Variants in IDO2 observed in about 807,000 individuals in gnomAD.
The protein encoded by IDO2 is indoleamine 2,3-dioxygenase 2.
Under a neutral mutation model 45.1 loss-of-function variants are expected in IDO2, and 46 were observed. That is an observed-to-expected ratio of 1.02 (90% CI 0.80 to 1.30). The LOEUF (loss-of-function observed/expected upper bound fraction) is 1.30, where lower values mean the gene tolerates loss of function less well. Among genes scored for constraint, IDO2 ranks in the 50% most tolerant of loss-of-function variants. The probability of loss-of-function intolerance (pLI) is 0.00; values close to 1 mark genes in which losing one functional copy is unlikely to be tolerated. For synonymous variants in IDO2, 218 were observed against 184.9 expected (o/e 1.18, Z -1.45); for missense variants, 544 against 491.8 (o/e 1.11, Z -1.00).
intron 8 of IDO2, 121 bp from the exon 9 acceptor site, chr8:40,005,205 AT>A (rs1417314941): frequency 1.5e-5 from 8 of 529,782 alleles, no homozygotes; most frequent in Admixed American, 3.4e-5. Context: ...TGCAGCTTTC[AT>A]TCCAGGTCTC....
chr8:39,942,515 T>C (rs924446273), intron 1 of IDO2, among the ~76,000 whole-genome samples: 19 of 152,080 alleles, frequency 1.2e-4, no homozygotes, highest in Admixed American at 1.2e-3. Context: ...TGGCGGGCAC[T>C]TATAGTACCA....
chr8:39,976,582 A>G (rs1808262434), intron 3 of IDO2, among the ~76,000 whole-genome samples: 1 of 152,244 alleles, frequency 6.6e-6, no homozygotes, highest in African/African-American at 2.4e-5. Flanking sequence ...TATAAGATGC[A>G]TTTCAAAGTG....
chr8:39,950,171 G>GTTA (rs1228582360), intron 2 of IDO2, among the ~76,000 whole-genome samples: 1 of 152,062 alleles, frequency 6.6e-6, no homozygotes, highest in Non-Finnish European at 1.5e-5. Context: ...TTGACTTTTA[G>GTTA]TTATTATTAT....
intron 1 of IDO2, among the ~76,000 whole-genome samples, chr8:39,944,874 G>T (rs1807707621): frequency 6.6e-6 from 1 of 152,140 alleles, no homozygotes; most frequent in South Asian, 2.1e-4. Flanking sequence ...TTCTTAATTT[G>T]TCTGAAAGTG....
intron 8 of IDO2, among the ~76,000 whole-genome samples, chr8:40,003,074 A>G (rs1299070433): frequency 6.6e-6 from 1 of 152,190 alleles, no homozygotes; most frequent in Non-Finnish European, 1.5e-5. Flanking sequence ...TCTTTTAGGT[A>G]TTCATATTGA....
At chr8:39,966,535 T>C (rs571972064) in intron 3 of IDO2, among the ~76,000 whole-genome samples, 58 of 152,336 alleles carry the variant, frequency 3.8e-4, no homozygotes, top group South Asian at 1.7e-3. Context: ...AAAACATGTG[T>C]TCTCTGGATC....
intron 8 of IDO2, among the ~76,000 whole-genome samples, chr8:40,004,565 AGAC>A (rs368361486): frequency 5.3e-4 from 61 of 115,364 alleles, no homozygotes; most frequent in African/African-American, 1.8e-3. Context: ...ATAGATAGAT[AGAC>A]GATAGATAGA....
intron 1 of IDO2, among the ~76,000 whole-genome samples, chr8:39,944,276 T>TAAA (rs3078477): frequency 0.79 from 120,143 of 151,824 alleles, 48,653 homozygotes; most frequent in East Asian, 0.88. Context: ...AAGGATCCAC[T>TAAA]TTGGGATTAC....
intron 6 of IDO2, among the ~76,000 whole-genome samples, chr8:39,986,671 GAGATAGATAGATAGAT>G (rs56228406): frequency 1.3e-4 from 18 of 143,578 alleles, no homozygotes; most frequent in African/African-American, 3.9e-4. Context: ...GTACAGCATT[GAGATAGATAGATAGAT>G]AGATAGATAG....
intron 1 of IDO2, among the ~76,000 whole-genome samples, chr8:39,946,478 G>A (rs998007441): frequency 7.2e-5 from 11 of 152,240 alleles, no homozygotes; most frequent in South Asian, 2.1e-4. Context: ...ATGGTGGCAC[G>A]CACCTGTAGT....
At chr8:39,963,821 A>G (rs1808037326) in intron 3 of IDO2, 118 bp downstream of exon 3, 1 of 600,804 alleles carries the variant, frequency 1.7e-6, no homozygotes, top group South Asian at 2.3e-5. Context: ...CATTGAACTT[A>G]TCAGCAAAGC....
At chr8:39,947,985 C>T (rs1807764030) in intron 1 of IDO2, among the ~76,000 whole-genome samples, 1 of 152,124 alleles carries the variant, frequency 6.6e-6, no homozygotes, top group Non-Finnish European at 1.5e-5. Context: ...TGGGGTTTCT[C>T]CATGATGAGG....
At chr8:39,948,214 G>A (rs995947311) in intron 1 of IDO2, among the ~76,000 whole-genome samples, 6 of 152,156 alleles carry the variant, frequency 3.9e-5, no homozygotes, top group Non-Finnish European at 5.9e-5. Context: ...TAACGTGATC[G>A]AATATTTCAA....
chr8:39,939,636 A>G lies in IDO2; in HGVS notation c.-18+4418A>G, dbSNP rs17355695. ...TGCAGTCTTTACGTATTTATTTGTTATTAAGTACAGTAAAATAAAGAAGGA... is the reference window on the plus strand; with the variant it reads ...TGCAGTCTTTACGTATTTATTTGTTGTTAAGTACAGTAAAATAAAGAAGGA... On this transcript the variant is annotated intron_variant, in intron 1 of 10. Coordinates refer to ENST00000502986, the Ensembl canonical transcript of IDO2. Among the ~76,000 whole-genome samples the G allele has an allele frequency of 6.4e-3, 963 of 150,532 alleles. 9 individuals are homozygous for G. Among genetic ancestry groups the G allele is most frequent in the African/African-American group, 0.019 (798 of 41,058 alleles).
intron 1 of IDO2, among the ~76,000 whole-genome samples, chr8:39,946,996 C>T (rs767958362): frequency 1.1e-4 from 17 of 151,818 alleles, no homozygotes; most frequent in Non-Finnish European, 1.6e-4. Context: ...CCCATCTCTA[C>T]TAAAAATACA....
intron 2 of IDO2, among the ~76,000 whole-genome samples, chr8:39,949,498 T>G (rs1487330037): frequency 6.6e-6 from 1 of 151,994 alleles, no homozygotes; most frequent in Non-Finnish European, 1.5e-5. Context: ...TTTGACTAGA[T>G]TGTCAGGCCA....
chr8:39,984,689 C>T (rs1448610077), intron 5 of IDO2, among the ~76,000 whole-genome samples: 1 of 151,962 alleles, frequency 6.6e-6, no homozygotes, highest in East Asian at 1.9e-4. Context: ...CAAAGTACTC[C>T]CCATGTGGTT....
chr8:39,956,671 T>C (rs893497090), intron 2 of IDO2, among the ~76,000 whole-genome samples: 3 of 152,182 alleles, frequency 2.0e-5, no homozygotes, highest in African/African-American at 7.2e-5. Context: ...TAAAATATAG[T>C]AATAGTAATA....
At position 40,013,767 on chromosome 8, in the gene IDO2, G is replaced by GT. The variant is rs1554550210; in HGVS notation, c.868+66dup. The GT allele has an allele frequency of 1.0e-4, 98 of 984,184 alleles. No homozygotes were observed. The African/African-American group carries it at 2.7e-3, about 27-fold the overall frequency. The allele number at this position is 984,184 out of a possible 1,614,324, so 61.0% of individuals were successfully genotyped here. Reference sequence around the variant, plus strand: ...GAGTAGAGGGAGGAAGAGGAGAGGTGTTTTTTTTTTTTCCAATTGATAAAA... The same window carrying GT: ...GAGTAGAGGGAGGAAGAGGAGAGGTGTTTTTTTTTTTTTCCAATTGATAAAA... On this transcript the variant is annotated intron_variant, in intron 10 of 10. Transcript: ENST00000502986.
Sources: allele counts gnomAD v4.1 joint callset (sites outside exome capture counted in the v4.1 genomes callset), GRCh38; gene constraint gnomAD v4.1.1; transcripts MANE v1.5; gene names NCBI Gene and HGNC (gene_info 2026-07-23, HGNC 2026-07-21).